The following SGCD variants were observed in gnomAD, a reference collection of about 807,000 sequenced individuals.
SGCD encodes delta-sarcoglycan.
A neutral mutation model predicts 36.6 loss-of-function variants in SGCD; 18 were observed. The observed-to-expected ratio is 0.49, with a 90% confidence interval of 0.34 to 0.73. The LOEUF is 0.73. SGCD is among the 30% of genes least tolerant of loss of function. SGCD has a pLI of 0.01. For missense variants in SGCD, 387 were observed against 346.7 expected, an observed-to-expected ratio of 1.12 and a Z score of -0.92; for synonymous variants, 133 against 130.6, an observed-to-expected ratio of 1.02 and a Z score of -0.12.
At chr5:155,799,394 TTA>T in the SGCD span, among the ~76,000 whole-genome samples, 24 of 147,260 alleles carry the variant, frequency 1.6e-4, no homozygotes, top group Middle Eastern at 3.4e-3. Context: ...GACAATGACT[TTA>T]TTTTTTTTTT....
intron 7 of SGCD, among the ~76,000 whole-genome samples, chr5:156,710,077 A>G (rs1406171258): frequency 1.3e-4 from 20 of 152,098 alleles, no homozygotes; most frequent in Admixed American, 1.3e-3. Context: ...TCCTTTCCTT[A>G]TTAGTCTTAT....
At chr5:156,523,464 A>G (rs2113053267) in intron 4 of SGCD, among the ~76,000 whole-genome samples, 1 of 152,298 alleles carries the variant, frequency 6.6e-6, no homozygotes, top group East Asian at 1.9e-4. Context: ...TTCTCGTAAG[A>G]GTTAAGCGAA....
chr5:156,512,298 T>C (rs1042437470), intron 4 of SGCD, among the ~76,000 whole-genome samples: 8 of 152,100 alleles, frequency 5.3e-5, no homozygotes, highest in Admixed American at 2.0e-4. Flanking sequence ...TCTGTACTGA[T>C]GCAATGATGG....
chr5:156,268,488 A>T (rs981988028), intron 3 of SGCD, among the ~76,000 whole-genome samples: 1 of 152,146 alleles, frequency 6.6e-6, no homozygotes, highest in South Asian at 2.1e-4. Flanking sequence ...CCTCACCAGC[A>T]TCTGTTATTT....
intron 2 of SGCD, among the ~76,000 whole-genome samples, chr5:156,121,817 A>T (rs936000049): frequency 6.6e-6 from 1 of 152,216 alleles, no homozygotes; most frequent in Middle Eastern, 3.4e-3. Flanking sequence ...AGGGGCTGAG[A>T]GTTGAGGGAA....
At position 156,671,525 on chromosome 5, in the gene SGCD, C is replaced by T. The variant is rs538704662; in HGVS notation, c.575+23989C>T. On this transcript the variant is annotated intron_variant, in intron 7 of 8. Transcript: ENST00000337851. ...TGGACCTCAGGTGATCCACCCACCT[C>T]GGCCTCCCAAAGTGCTGGGATTACA... is the stretch of plus-strand genomic sequence containing the variant. Among the ~76,000 whole-genome samples, 23 of 152,224 alleles carry T rather than the reference C, an allele frequency of 1.5e-4. No homozygotes were observed. In the South Asian group the frequency reaches 2.9e-3, roughly 19 times the overall value.
intron 3 of SGCD, among the ~76,000 whole-genome samples, chr5:156,502,697 T>A (rs1756512415): frequency 1.3e-5 from 2 of 152,178 alleles, no homozygotes; most frequent in South Asian, 4.1e-4. Flanking sequence ...TAGTTCCTAA[T>A]TGACCTCAAA....
intron 7 of SGCD, among the ~76,000 whole-genome samples, chr5:156,744,869 A>G (rs1756871500): frequency 6.6e-6 from 1 of 152,196 alleles, no homozygotes; most frequent in South Asian, 2.1e-4. Context: ...AATCTTTTGA[A>G]AAATTGGAAA....
At chr5:156,483,852 A>G (rs2127841983) in intron 3 of SGCD, among the ~76,000 whole-genome samples, 1 of 152,340 alleles carries the variant, frequency 6.6e-6, no homozygotes, top group Non-Finnish European at 1.5e-5. Context: ...ACCAACTTTG[A>G]GACAGTGCTC....
chr5:156,241,155 G>GAA (rs1467018815), intron 3 of SGCD, among the ~76,000 whole-genome samples: 1 of 152,028 alleles, frequency 6.6e-6, no homozygotes, highest in Non-Finnish European at 1.5e-5. Flanking sequence ...GAGATCTGCT[G>GAA]AAAGTCTGAA....
At chr5:156,287,967 G>A (rs1766655915) in intron 3 of SGCD, among the ~76,000 whole-genome samples, 2 of 152,044 alleles carry the variant, frequency 1.3e-5, no homozygotes, top group Non-Finnish European at 2.9e-5. Context: ...ACAAAATGTA[G>A]CCATGACAGT....
rs779325208 is a variant in SGCD at position 156,508,690 on chromosome 5, C to T, written c.282C>T (p.Ile94=). ...EFLQPLYAKE[I]QSRPGNALYF... ...TACAACCTCTCTACGCCAAAGAAAT[C>T]CAGTCCCGACCAGTAAGTTTCTGCT... is the stretch of plus-strand genomic sequence containing the variant. The change falls in exon 4 of 9, where the codon ATC becomes ATT. Residue 94 remains isoleucine, a synonymous_variant. Transcript: ENST00000337851. 3.2e-6 allele frequency: 5 copies of T among 1,575,764 alleles called. No individual in the cohort carries two copies. The highest frequency in any genetic ancestry group is 1.1e-5 in the South Asian group (1 of 87,346).
chr5:155,921,584 G>A (rs1756880509), intron 1 of SGCD, among the ~76,000 whole-genome samples: 1 of 152,058 alleles, frequency 6.6e-6, no homozygotes, highest in South Asian at 2.1e-4. Flanking sequence ...AAAAGAAAGG[G>A]GAGGCTGAAG....
intron 3 of SGCD, among the ~76,000 whole-genome samples, chr5:156,403,878 A>T (rs1490244419): frequency 2.7e-5 from 4 of 150,846 alleles, no homozygotes; most frequent in African/African-American, 9.8e-5. Flanking sequence ...TATGTCACCC[A>T]TGCTGGAGTG....
chr5:156,694,768 A>G (rs998308737), intron 7 of SGCD, among the ~76,000 whole-genome samples: 1 of 152,188 alleles, frequency 6.6e-6, no homozygotes, highest in African/African-American at 2.4e-5. Flanking sequence ...TTTTTTAATT[A>G]GGCCCGTCTG....
chr5:156,576,362 G>A (rs1201630233), intron 4 of SGCD, among the ~76,000 whole-genome samples: 2 of 152,116 alleles, frequency 1.3e-5, no homozygotes, highest in East Asian at 3.8e-4. Context: ...CTTTGCTATT[G>A]TGAATAGTGC....
chr5:156,367,848 C>G (rs1295018563), intron 3 of SGCD, among the ~76,000 whole-genome samples: 1 of 152,198 alleles, frequency 6.6e-6, no homozygotes, highest in Non-Finnish European at 1.5e-5. Context: ...GGTGACACAG[C>G]ATGAACATTG....
intron 3 of SGCD, among the ~76,000 whole-genome samples, chr5:156,212,298 AGAG>A (rs1764464195): frequency 6.6e-6 from 1 of 152,240 alleles, no homozygotes; most frequent in East Asian, 1.9e-4. Context: ...ATATAGAGTG[AGAG>A]TGAAGGCATG....
At chr5:156,481,600 C>A in intron 3 of SGCD, among the ~76,000 whole-genome samples, 1 of 152,068 alleles carries the variant, frequency 6.6e-6, no homozygotes, top group Middle Eastern at 3.2e-3. Context: ...ATCTACATGA[C>A]CCTGGGGTTT....
Sources: gnomAD v4.1 joint callset for allele counts (sites outside exome capture counted in the v4.1 genomes callset) on GRCh38, gnomAD v4.1.1 for gene constraint, MANE v1.5 for transcripts, NCBI Gene and HGNC (gene_info 2026-07-23, HGNC 2026-07-21) for gene names.